The following MITF variants were observed in gnomAD, a reference collection of about 807,000 sequenced individuals.
MITF encodes microphthalmia-associated transcription factor.
Under a neutral mutation model 60.5 loss-of-function variants are expected in MITF, and 17 were observed. That is an observed-to-expected ratio of 0.28 (90% CI 0.19 to 0.42). The LOEUF (loss-of-function observed/expected upper bound fraction) is 0.42. MITF is among the 10% of genes least tolerant of loss of function. MITF has a pLI of 1.00. For missense variants in MITF, 622 were observed against 683.5 expected (o/e 0.91, Z 1.00); for synonymous variants, 260 against 248.5 (o/e 1.05, Z -0.43).
chr3:69,938,690 A>G, intron 3 of MITF: 2 of 1,304,230 alleles, frequency 1.5e-6, no homozygotes, highest in Non-Finnish European at 1.9e-6. Context: ...GTGCATCAAA[A>G]TTTGCAGCAT....
intron 1 of MITF, among the ~76,000 whole-genome samples, chr3:69,772,215 G>C (rs1225115202): frequency 6.6e-6 from 1 of 152,182 alleles, no homozygotes; most frequent in Non-Finnish European, 1.5e-5. Flanking sequence ...CAAATATTAT[G>C]TAGTTTTAAT....
chr3:69,893,466 A>G (rs534829370), intron 2 of MITF, among the ~76,000 whole-genome samples: 3 of 152,232 alleles, frequency 2.0e-5, no homozygotes, highest in Admixed American at 2.0e-4. Flanking sequence ...TCCCTAGCTC[A>G]TAAGCTTGCT....
At chr3:69,900,121 A>G (rs1035226691) in intron 2 of MITF, among the ~76,000 whole-genome samples, 1 of 152,128 alleles carries the variant, frequency 6.6e-6, no homozygotes, top group African/African-American at 2.4e-5. Flanking sequence ...GGGTGGGGAA[A>G]TAATAGATTT....
chr3:69,950,158 A>G (rs777695598), intron 6 of MITF, among the ~76,000 whole-genome samples: 2 of 152,020 alleles, frequency 1.3e-5, no homozygotes, highest in African/African-American at 2.4e-5. Context: ...GGGCAGGCAC[A>G]GTAGCTCACG....
intron 2 of MITF, among the ~76,000 whole-genome samples, chr3:69,919,755 G>A (rs959835176): frequency 3.4e-4 from 51 of 152,054 alleles, no homozygotes; most frequent in African/African-American, 1.2e-3. Context: ...TTAAAAAATA[G>A]ATTGGAAAGA....
intron 1 of MITF, among the ~76,000 whole-genome samples, chr3:69,829,390 T>C (rs2063409057): frequency 6.6e-6 from 1 of 152,184 alleles, no homozygotes; most frequent in African/African-American, 2.4e-5. Context: ...ATTTTAAAAT[T>C]CATGTCCCCT....
chr3:69,956,923 T>C (rs1224775068), intron 8 of MITF, among the ~76,000 whole-genome samples: 1 of 152,204 alleles, frequency 6.6e-6, no homozygotes. Context: ...TACCTCTAAA[T>C]AGGCACTGAT....
intron 8 of MITF, among the ~76,000 whole-genome samples, chr3:69,957,182 TA>T (rs993867920): frequency 5.3e-5 from 8 of 152,158 alleles, no homozygotes; most frequent in Non-Finnish European, 1.0e-4. Context: ...TACCAGCCTA[TA>T]GTTACCTGCA....
chr3:69,955,935 T>C lies in MITF; in HGVS notation c.956-520T>C, dbSNP rs112376645. On this transcript the variant is annotated intron_variant, in intron 7 of 9. Transcript: ENST00000352241. The stretch of plus-strand genomic sequence containing the variant: ...TTTGCCTTGCAAAAAATTGTACTCG[T>C]ATGTTATATTTTGAATTTTGTCAGT... 7.9e-3 allele frequency among the ~76,000 whole-genome samples: 1,206 copies of C among 152,354 alleles called. 12 individuals are homozygous for C. The highest frequency in any genetic ancestry group is 0.027 in the African/African-American group (1,129 of 41,578).
chr3:69,874,451 T>G (rs2064307341), intron 1 of MITF, among the ~76,000 whole-genome samples: 1 of 152,212 alleles, frequency 6.6e-6, no homozygotes, highest in Admixed American at 6.5e-5. Flanking sequence ...TATTCCAGTT[T>G]ATTGGACCAT....
chr3:69,741,795 C>T (rs1703538173), intron 1 of MITF, among the ~76,000 whole-genome samples: 1 of 152,136 alleles, frequency 6.6e-6, no homozygotes, highest in Non-Finnish European at 1.5e-5. Flanking sequence ...TACTGTTTTC[C>T]ACAGTTGTCT....
At chr3:69,781,690 G>T (rs1463029466) in intron 1 of MITF, among the ~76,000 whole-genome samples, 1 of 152,150 alleles carries the variant, frequency 6.6e-6, no homozygotes, top group Non-Finnish European at 1.5e-5. Context: ...ATGCAAATAA[G>T]AAAAGGGTGA....
chr3:69,935,042 CTAGA>C (rs539636134), intron 2 of MITF, among the ~76,000 whole-genome samples: 65 of 152,282 alleles, frequency 4.3e-4, no homozygotes, highest in Middle Eastern at 3.4e-3. Flanking sequence ...GCTGTTCCTG[CTAGA>C]TAGATGTGTG....
At chr3:69,852,328 C>T (rs146071133) in intron 1 of MITF, among the ~76,000 whole-genome samples, 138 of 152,332 alleles carry the variant, frequency 9.1e-4, no homozygotes, top group African/African-American at 3.1e-3. Context: ...TCCTCCTAGT[C>T]AACCCCTCTT....
intron 1 of MITF, among the ~76,000 whole-genome samples, chr3:69,808,586 A>T (rs1353051514): frequency 6.6e-5 from 10 of 151,978 alleles, no homozygotes; most frequent in Admixed American, 6.5e-4. Flanking sequence ...TGAGCTCTGG[A>T]AGAAGAGTAG....
chr3:69,797,797 T>A (rs1270652173), intron 1 of MITF, among the ~76,000 whole-genome samples: 2 of 152,232 alleles, frequency 1.3e-5, no homozygotes, highest in African/African-American at 2.4e-5. Context: ...GTTATCTTTA[T>A]CTTTTTGCAG....
intron 2 of MITF, among the ~76,000 whole-genome samples, chr3:69,880,060 T>A (rs139426551): frequency 5.3e-5 from 8 of 152,336 alleles, no homozygotes; most frequent in African/African-American, 1.9e-4. Context: ...AGGGAGATAC[T>A]CCTTGTTTAA....
chr3:69,927,181 G>A (rs1404546980), intron 2 of MITF, among the ~76,000 whole-genome samples: 1 of 151,982 alleles, frequency 6.6e-6, no homozygotes, highest in Non-Finnish European at 1.5e-5. Context: ...TTGGATAGCA[G>A]CATGTATAGT....
chr3:69,767,943 A>C lies in MITF; in HGVS notation c.104+28242A>C, dbSNP rs549429939. ...GGTAAAAACCTTGTTAAAGATTTCAAGGACAGTGAGGACAAAAGTAAGGCT... is the reference window on the plus strand; with the variant it reads ...GGTAAAAACCTTGTTAAAGATTTCACGGACAGTGAGGACAAAAGTAAGGCT... On this transcript the variant is annotated intron_variant, in intron 1 of 9. Coordinates refer to ENST00000352241, the MANE Select transcript of MITF (RefSeq NM_001354604.2). Among the ~76,000 whole-genome samples the C allele has an allele frequency of 7.9e-5, 12 of 152,328 alleles. No individual in the cohort carries two copies. The East Asian group carries it at 2.3e-3, about 29-fold the overall frequency.
Sources: gnomAD v4.1 joint callset for allele counts (sites outside exome capture counted in the v4.1 genomes callset) on GRCh38, gnomAD v4.1.1 for gene constraint, MANE v1.5 for transcripts, NCBI Gene and HGNC (gene_info 2026-07-23, HGNC 2026-07-21) for gene names.